Variants in KSR2 observed in about 807,000 individuals in gnomAD.
KSR2 encodes kinase suppressor of ras 2.
KSR2 carries 25 observed loss-of-function variants against 107.8 expected under a neutral mutation model. The ratio of observed to expected loss-of-function variants is 0.23; its 90% CI spans 0.17 to 0.32. The LOEUF (loss-of-function observed/expected upper bound fraction) is 0.32, where lower values mean the gene tolerates loss of function less well. Ranked by LOEUF, KSR2 falls within the 10% of genes least tolerant of loss-of-function variation. The probability of loss-of-function intolerance (pLI) is 1.00; values close to 1 mark genes in which losing one functional copy is unlikely to be tolerated. For synonymous variants in KSR2, 480 were observed against 507.0 expected, an observed-to-expected ratio of 0.95 and a Z score of 0.71; for missense variants, 887 against 1,268.9, an observed-to-expected ratio of 0.70 and a Z score of 4.57.
rs142810287 is a variant in KSR2, at chr12:117,884,539, C to T, written c.181-24108G>A. The stretch of plus-strand genomic sequence containing the variant: ...AGCATCTTGGAATCCTGATGACCAG[C>T]AAGCTCCACATATTAAGTTTCCACC... On this transcript the variant is annotated intron_variant, in intron 1 of 19. Coordinates refer to ENST00000339824, the MANE Select transcript of KSR2 (RefSeq NM_173598.6). Among the ~76,000 whole-genome samples, 361 of 152,314 alleles carry T rather than the reference C, an allele frequency of 2.4e-3. 4 individuals are homozygous for T. The highest frequency in any genetic ancestry group is 8.1e-3 in the African/African-American group (338 of 41,586).
intron 3 of KSR2, among the ~76,000 whole-genome samples, chr12:117,811,499 G>A (rs763844418): frequency 6.6e-6 from 1 of 152,226 alleles, no homozygotes; most frequent in Non-Finnish European, 1.5e-5. Flanking sequence ...CCAGCGATCT[G>A]TGTTTTCACC....
rs1295852347 is a variant in KSR2 at position 117,709,843 on chromosome 12, G to A, written c.987-42185C>T. 2.6e-5 allele frequency among the ~76,000 whole-genome samples: 4 copies of A among 152,326 alleles called. No individual in the cohort carries two copies. The East Asian group carries it at 5.8e-4, about 22-fold the overall frequency. Reference sequence around the variant, plus strand: ...AATGCCAGTAGCACCCCCACCCCAAGTGACAACCAAAATGGACTCCAGACA... The same window carrying A: ...AATGCCAGTAGCACCCCCACCCCAAATGACAACCAAAATGGACTCCAGACA... On this transcript the variant is annotated intron_variant, in intron 4 of 19. Transcript: ENST00000339824.
chr12:117,854,183 T>G (rs1893018288), intron 3 of KSR2, among the ~76,000 whole-genome samples: 1 of 152,116 alleles, frequency 6.6e-6, no homozygotes, highest in South Asian at 2.1e-4. Flanking sequence ...TTTTTTGTAT[T>G]TTTTGTAGAG....
chr12:117,791,829 T>C (rs1216814745), intron 3 of KSR2, among the ~76,000 whole-genome samples: 1 of 152,172 alleles, frequency 6.6e-6, no homozygotes, highest in Non-Finnish European at 1.5e-5. Flanking sequence ...GCAACCGATA[T>C]CAACATTTTA....
intron 5 of KSR2, among the ~76,000 whole-genome samples, chr12:117,631,456 T>C (rs1022006136): frequency 6.6e-6 from 1 of 152,234 alleles, no homozygotes; most frequent in Non-Finnish European, 1.5e-5. Flanking sequence ...TAGACTTTTA[T>C]TTTATGACTA....
chr12:117,724,585 C>A (rs944118455), intron 4 of KSR2, among the ~76,000 whole-genome samples: 10 of 105,270 alleles, frequency 9.5e-5, no homozygotes, highest in African/African-American at 2.9e-4. Flanking sequence ...CCTGCCCCCC[C>A]ACCCCCGGCC....
At chr12:117,698,701 CTCCAAACCCACT>C (rs1225240613) in intron 4 of KSR2, among the ~76,000 whole-genome samples, 1 of 152,168 alleles carries the variant, frequency 6.6e-6, no homozygotes, top group Non-Finnish European at 1.5e-5. Flanking sequence ...AGATCCAGAG[CTCCAAACCCACT>C]TCCAAACCCT....
At chr12:117,470,832 T>C (rs888392734) in intron 18 of KSR2, among the ~76,000 whole-genome samples, 1 of 152,214 alleles carries the variant, frequency 6.6e-6, no homozygotes, top group African/African-American at 2.4e-5. Flanking sequence ...GCCTTAAAAT[T>C]ATTATGTAGA....
intron 9 of KSR2, among the ~76,000 whole-genome samples, chr12:117,540,441 C>G (rs75026504): frequency 0.014 from 2,141 of 152,260 alleles, 51 homozygotes; most frequent in African/African-American, 0.048. Flanking sequence ...CTTCCAAGCA[C>G]AGTAGTGGGT....
At chr12:117,706,012 G>T (rs1051043011) in intron 4 of KSR2, among the ~76,000 whole-genome samples, 1 of 151,748 alleles carries the variant, frequency 6.6e-6, no homozygotes, top group African/African-American at 2.4e-5. Flanking sequence ...TGCCCTGTGC[G>T]GAGTGGTTGG....
intron 4 of KSR2, among the ~76,000 whole-genome samples, chr12:117,695,855 C>T (rs1270082016): frequency 6.6e-6 from 1 of 152,130 alleles, no homozygotes; most frequent in Admixed American, 6.5e-5. Context: ...CCGGAAAGGT[C>T]GCCGCTCTTC....
At chr12:117,902,824 G>A (rs866695424) in intron 1 of KSR2, among the ~76,000 whole-genome samples, 6 of 152,116 alleles carry the variant, frequency 3.9e-5, no homozygotes, top group African/African-American at 1.2e-4. Context: ...TGAATTCACC[G>A]GAAACATATA....
At chr12:117,614,769 C>T (rs1434209934) in intron 5 of KSR2, among the ~76,000 whole-genome samples, 1 of 152,178 alleles carries the variant, frequency 6.6e-6, no homozygotes, top group Non-Finnish European at 1.5e-5. Flanking sequence ...GACGATTGTT[C>T]ATAAGTGTTT....
rs1873772342 is a variant in KSR2, at chr12:117,507,521, G to C, written c.2219+17331C>G. Among the ~76,000 whole-genome samples the C allele has an allele frequency of 2.0e-5, 3 of 152,190 alleles. No individual in the cohort carries two copies. The South Asian group carries it at 6.2e-4, about 31-fold the overall frequency. On this transcript the variant is annotated intron_variant, in intron 14 of 19. Transcript: ENST00000339824. ...ACTGGATGGGGAAGAAAGAGGCCAA[G>C]GTGTACTCCTTAGAGACCATTTTGA...
intron 3 of KSR2, among the ~76,000 whole-genome samples, chr12:117,826,352 C>T (rs759630136): frequency 7.9e-5 from 12 of 152,062 alleles, no homozygotes; most frequent in African/African-American, 4.8e-5. Context: ...GCTGTGCAGC[C>T]TCAGCCAGAG....
At chr12:117,662,356 C>A (rs887014744) in intron 5 of KSR2, among the ~76,000 whole-genome samples, 1 of 152,190 alleles carries the variant, frequency 6.6e-6, no homozygotes, top group Admixed American at 6.5e-5. Context: ...TATATAATCA[C>A]CCCCATCCTG....
At chr12:117,814,693 G>A (rs371698471) in intron 3 of KSR2, among the ~76,000 whole-genome samples, 1 of 152,158 alleles carries the variant, frequency 6.6e-6, no homozygotes, top group South Asian at 2.1e-4. Context: ...GCGTCTAGGG[G>A]CATGAAGAGT....
chr12:117,837,572 C>T (rs1892275966), intron 3 of KSR2, among the ~76,000 whole-genome samples: 1 of 152,062 alleles, frequency 6.6e-6, no homozygotes, highest in Non-Finnish European at 1.5e-5. Flanking sequence ...TTGAAAGCAA[C>T]AATGCAGCCC....
At chr12:117,517,736 G>A (rs1236055470) in intron 14 of KSR2, 2 of 429,188 alleles carry the variant, frequency 4.7e-6, no homozygotes, top group Non-Finnish European at 9.2e-6. Context: ...TAAAGGGAAA[G>A]CGATTCAGCT....
Sources: gnomAD v4.1 joint callset for allele counts (sites outside exome capture counted in the v4.1 genomes callset) on GRCh38, gnomAD v4.1.1 for gene constraint, MANE v1.5 for transcripts, NCBI Gene and HGNC (gene_info 2026-07-23, HGNC 2026-07-21) for gene names.